KIF7: variants seen among roughly 807,000 people sequenced by gnomAD.
KIF7 encodes the protein kinesin-like protein KIF7.
Under a neutral mutation model 135.7 loss-of-function variants are expected in KIF7, and 104 were observed. The ratio of observed to expected loss-of-function variants is 0.77; its 90% CI spans 0.65 to 0.90. The LOEUF (loss-of-function observed/expected upper bound fraction) is 0.90. KIF7 is among the 40% of genes least tolerant of loss of function. The pLI is 0.00. For missense variants in KIF7, 2,005 were observed against 1,839.1 expected (o/e 1.09, Z -1.65); for synonymous variants, 883 against 809.4 (o/e 1.09, Z -1.54).
the KIF7 span, among the ~76,000 whole-genome samples, chr15:89,662,490 G>A: frequency 3.3e-5 from 5 of 152,124 alleles, no homozygotes; most frequent in Non-Finnish European, 5.9e-5. Flanking sequence ...AGAGTGATAC[G>A]GTCTCAAAAT....
chr15:89,652,726 C>T lies in KIF7; in HGVS notation c.205G>A (p.Ala69Thr). 6.4e-7 allele frequency: 1 copy of T among 1,551,770 alleles called. No individual in the cohort carries two copies. Among genetic ancestry groups the T allele is most frequent in the Admixed American group, 2.0e-5 (1 of 51,012 alleles). The change falls in exon 2 of 19, where the codon GCC (alanine) becomes ACC (threonine). Residue 69 changes from alanine (A) to threonine (T), a missense_variant. Transcript: ENST00000394412. ...GGCTGAACGCAGGCCTGGTACACGGCCTCCTGCCCCGCATCCTCGGCCAGC... is the reference window on the plus strand; with the variant it reads ...GGCTGAACGCAGGCCTGGTACACGGTCTCCTGCCCCGCATCCTCGGCCAGC... ...VVLAEDAGQE[A>T]VYQACVQPLL... is the part of the protein sequence containing the mutation.
chr15:89,641,391 G>A (rs1963917432), intron 11 of KIF7, among the ~76,000 whole-genome samples: 2 of 152,168 alleles, frequency 1.3e-5, no homozygotes, highest in South Asian at 4.1e-4. Flanking sequence ...CCTAGTCTAC[G>A]GAAGTTTGCT....
chr15:89,645,921 G>C lies in KIF7; in HGVS notation c.1894C>G (p.Pro632Ala), dbSNP rs1254624184. ...CGCAGGTGTAAGGTCCGCCTGGGCG[G>C]CTCCTCCTCCTCCTCTTCCTCCTCT... ...ASEEEEEEEEPPRRTLHLRRN... is the reference protein window; with the variant it reads ...ASEEEEEEEEAPRRTLHLRRN... Residue 632 changes from proline (P) to alanine (A), a missense_variant, in exon 8 of 19, where the codon CCG (proline) becomes GCG (alanine). Coordinates refer to ENST00000394412, the MANE Select transcript of KIF7 (RefSeq NM_198525.3). 14 of 1,613,376 alleles carry C rather than the reference G, an allele frequency of 8.7e-6. No homozygotes were observed. The East Asian group carries it at 3.1e-4, about 36-fold the overall frequency.
intron 11 of KIF7, among the ~76,000 whole-genome samples, chr15:89,636,077 T>C (rs974300198): frequency 3.9e-5 from 6 of 151,988 alleles, no homozygotes; most frequent in African/African-American, 1.5e-4. Context: ...CCAGCCAAAC[T>C]AAGCTTCATA....
At chr15:89,635,167 A>G (rs1177254412) in intron 11 of KIF7, among the ~76,000 whole-genome samples, 2 of 151,980 alleles carry the variant, frequency 1.3e-5, no homozygotes, top group African/African-American at 4.8e-5. Flanking sequence ...CACACCAAAA[A>G]CCCATCTGTA....
chr15:89,635,951 G>C (rs1318471693), intron 11 of KIF7, among the ~76,000 whole-genome samples: 1 of 151,990 alleles, frequency 6.6e-6, no homozygotes, highest in Non-Finnish European at 1.5e-5. Flanking sequence ...ACCCACAAAG[G>C]GAAGCCCATC....
intron 1 of KIF7, chr15:89,621,472 C>G: frequency 6.2e-7 from 1 of 1,614,018 alleles, no homozygotes; most frequent in Non-Finnish European, 8.5e-7. Context: ...AGATGATCAG[C>G]CCCTCAGAAA....
At chr15:89,617,379 T>C (rs1331068949) in intron 2 of KIF7, among the ~76,000 whole-genome samples, 1 of 152,228 alleles carries the variant, frequency 6.6e-6, no homozygotes, top group Non-Finnish European at 1.5e-5. Flanking sequence ...TTAAGGCTCT[T>C]AAACAGAAAC....
chr15:89,633,391 A>G, intron 12 of KIF7, 125 bp from the exon 13 acceptor site: 1 of 1,278,084 alleles, frequency 7.8e-7, no homozygotes, highest in Non-Finnish European at 1.1e-6. Flanking sequence ...AGTGTCCCCC[A>G]GACCCATCCC....
chr15:89,623,285 G>A (rs1170027338), downstream of KIF7, among the ~76,000 whole-genome samples: 1 of 152,250 alleles, frequency 6.6e-6, no homozygotes, highest in Non-Finnish European at 1.5e-5. Flanking sequence ...ATCAGAAATA[G>A]CTGCCTTATC....
intron 1 of KIF7, among the ~76,000 whole-genome samples, chr15:89,620,088 G>C (rs1963400079): frequency 1.3e-5 from 2 of 152,170 alleles, no homozygotes; most frequent in Admixed American, 1.3e-4. Context: ...TCAAGAGGAA[G>C]CTACCCATAA....
Position 89,649,889 on chromosome 15 carries a change from G to A in KIF7, c.381C>T (p.Ala127=). The change falls in exon 3 of 19, where the codon GCC becomes GCT. Residue 127 remains alanine, a synonymous_variant. Transcript: ENST00000394412. Reference sequence around the variant, plus strand: ...GGTCGTTCTCATCGATGAGCTTGAAGGCCTCGGCCATGGCCCTCGGGACAA... The same window carrying A: ...GGTCGTTCTCATCGATGAGCTTGAAAGCCTCGGCCATGGCCCTCGGGACAA... ...QGIVPRAMAE[A]FKLIDENDLL... 2 of 1,551,762 alleles carry A rather than the reference G, an allele frequency of 1.3e-6. No homozygotes were observed. Among genetic ancestry groups the A allele is most frequent in the African/African-American group, 1.4e-5 (1 of 73,190 alleles).
intron 1 of KIF7, among the ~76,000 whole-genome samples, chr15:89,622,935 C>T (rs1221328078): frequency 6.6e-6 from 1 of 152,222 alleles, no homozygotes; most frequent in East Asian, 1.9e-4. Flanking sequence ...TGTCACTGCA[C>T]CAATCACATT....
rs1353001069 is a variant in KIF7 at position 89,638,567 on chromosome 15, C to G, written c.2394+3636G>C. 1.4e-5 allele frequency among the ~76,000 whole-genome samples: 2 copies of G among 145,622 alleles called. 1 individual carries two copies. The highest frequency in any genetic ancestry group is 1.3e-4 in the Admixed American group (2 of 14,994). On this transcript the variant is annotated intron_variant, in intron 11 of 18. Coordinates refer to ENST00000394412, the MANE Select transcript of KIF7 (RefSeq NM_198525.3). ...CAATTGCTTCAAAGAGAATAAAATA[C>G]CTAGGAATCCAACTTACAAGGGATG...
At position 89,644,383 on chromosome 15, in the gene KIF7, TAAG is replaced by T. The variant is rs1202292862; in HGVS notation, c.2191+627_2191+629del. Among the ~76,000 whole-genome samples, 15 of 152,072 alleles carry T rather than the reference TAAG, an allele frequency of 9.9e-5. No individual in the cohort carries two copies. In the Middle Eastern group the frequency reaches 0.01, roughly 103 times the overall value. ...TGAAACATTGCAGGCACTCGATAAG[TAAG>T]AAGAAGTGCCGGGCATGGTGGCTCA... On this transcript the variant is annotated intron_variant, in intron 10 of 18. Transcript: ENST00000394412.
At chr15:89,634,755 T>C (rs986823249) in intron 11 of KIF7, among the ~76,000 whole-genome samples, 7 of 151,820 alleles carry the variant, frequency 4.6e-5, no homozygotes, top group Non-Finnish European at 1.0e-4. Flanking sequence ...GGGGGAGGGG[T>C]GCCCACCATT....
At chr15:89,627,603 C>G (rs145910246), downstream of KIF7, 1 of 155,464 alleles carries the variant, frequency 6.4e-6, no homozygotes, top group East Asian at 1.9e-4. Context: ...TGACTGAGCA[C>G]TCAGTACATT....
At chr15:89,648,911 G>A (rs1964071937) in intron 4 of KIF7, 63 bp downstream of exon 4, 3 of 1,470,114 alleles carry the variant, frequency 2.0e-6, no homozygotes, top group Non-Finnish European at 2.7e-6. Flanking sequence ...ACCCCCACTG[G>A]TGTGCTGGAC....
chr15:89,627,286 G>C (rs1425231321), downstream of KIF7: 1 of 637,936 alleles, frequency 1.6e-6, no homozygotes, highest in Non-Finnish European at 2.6e-6. Flanking sequence ...GTTGCAGGAG[G>C]AGAGGTGGAT....
Sources: allele counts gnomAD v4.1 joint callset (sites outside exome capture counted in the v4.1 genomes callset), GRCh38; gene constraint gnomAD v4.1.1; transcripts MANE v1.5; gene names NCBI Gene and HGNC (gene_info 2026-07-23, HGNC 2026-07-21).